Variants in SNX30 observed in about 807,000 individuals in gnomAD.
SNX30 encodes the protein sorting nexin family member 30, also known as sorting nexin-30.
Under a neutral mutation model 46.4 loss-of-function variants are expected in SNX30, and 24 were observed. The ratio of observed to expected loss-of-function variants is 0.52; its 90% confidence interval spans 0.37 to 0.73. SNX30 has a LOEUF of 0.73. Ranked by LOEUF, SNX30 falls within the 30% of genes least tolerant of loss-of-function variation. The probability of loss-of-function intolerance (pLI) is 0.00; values close to 1 mark genes in which losing one functional copy is unlikely to be tolerated. For missense variants in SNX30, 533 were observed against 555.7 expected (o/e 0.96, Z 0.41); for synonymous variants, 189 against 211.5 (o/e 0.89, Z 0.92).
chr9:112,813,110 C>G (rs1840344558), intron 2 of SNX30, among the ~76,000 whole-genome samples: 1 of 152,096 alleles, frequency 6.6e-6, no homozygotes, highest in Admixed American at 6.5e-5. Flanking sequence ...GATCATGCCA[C>G]TATACTCCAG....
chr9:112,773,249 G>A (rs937590333), intron 1 of SNX30, among the ~76,000 whole-genome samples: 1 of 152,084 alleles, frequency 6.6e-6, no homozygotes, highest in African/African-American at 2.4e-5. Flanking sequence ...CCATAAAATG[G>A]GGTTAATAAT....
intron 4 of SNX30, among the ~76,000 whole-genome samples, chr9:112,833,268 G>A (rs1244329144): frequency 1.3e-5 from 2 of 151,074 alleles, no homozygotes; most frequent in Non-Finnish European, 1.5e-5. Flanking sequence ...GTTCTGAGAT[G>A]AGCCACTTAC....
chr9:112,864,264 G>A lies in SNX30; in HGVS notation c.1119G>A (p.Glu373=). 6.2e-7 allele frequency: 1 copy of A among 1,614,100 alleles called. No homozygotes were observed. The highest frequency in any genetic ancestry group is 1.1e-5 in the South Asian group (1 of 91,076). ...EDRPKVPADV[E]KCQDRMECFN... Reference sequence around the variant, plus strand: ...TTTTCCAGGTACCGGCGGACGTCGAGAAATGTCAGGATCGGATGGAGTGTT... The same window carrying A: ...TTTTCCAGGTACCGGCGGACGTCGAAAAATGTCAGGATCGGATGGAGTGTT... Residue 373 remains glutamate (E), a synonymous_variant, in exon 8 of 9, where the codon GAG becomes GAA. Transcript: ENST00000374232.
chr9:112,876,552 T>C (rs1841519686), downstream of SNX30, among the ~76,000 whole-genome samples: 1 of 152,128 alleles, frequency 6.6e-6, no homozygotes, highest in Non-Finnish European at 1.5e-5. Flanking sequence ...AGATGTTGAC[T>C]TGGCTGTTGG....
chr9:112,755,324 G>A (rs148576902), intron 1 of SNX30, among the ~76,000 whole-genome samples: 2 of 152,176 alleles, frequency 1.3e-5, no homozygotes, highest in South Asian at 2.1e-4. Context: ...AGCAGAGGCC[G>A]GAAGGCACAG....
At chr9:112,788,869 C>T (rs1397414037) in intron 1 of SNX30, among the ~76,000 whole-genome samples, 1 of 152,226 alleles carries the variant, frequency 6.6e-6, no homozygotes, top group African/African-American at 2.4e-5. Flanking sequence ...GATCTCGGCT[C>T]ACCACAGCCT....
At chr9:112,779,397 T>C (rs746862633) in intron 1 of SNX30, among the ~76,000 whole-genome samples, 8 of 152,104 alleles carry the variant, frequency 5.3e-5, no homozygotes, top group Non-Finnish European at 1.0e-4. Flanking sequence ...AGTGAACACA[T>C]AGAAGAGGGT....
chr9:112,852,511 G>A lies in SNX30; in HGVS notation c.1101+1566G>A, dbSNP rs557593181. Among the ~76,000 whole-genome samples, 7 of 152,192 alleles carry A rather than the reference G, an allele frequency of 4.6e-5. No individual in the cohort carries two copies. The South Asian group carries it at 1.2e-3, about 27-fold the overall frequency. ...TCCCCACCCCACCCCACCAGATAGC[G>A]AGGCGACAACTGTGTGTATGTATAT... On this transcript the variant is annotated intron_variant, in intron 7 of 8. Transcript: ENST00000374232.
downstream of SNX30, chr9:112,878,419 C>T (rs1428170922): frequency 6.6e-6 from 1 of 152,264 alleles, no homozygotes; most frequent in African/African-American, 2.4e-5. Context: ...TTAGTAACTG[C>T]TACTTACCCT....
intron 7 of SNX30, among the ~76,000 whole-genome samples, chr9:112,854,001 C>G (rs1305274548): frequency 6.6e-6 from 1 of 152,216 alleles, no homozygotes; most frequent in Non-Finnish European, 1.5e-5. Context: ...ACCGAGGATC[C>G]TGCATTTTAA....
chr9:112,783,476 C>T (rs1392998894), intron 1 of SNX30, among the ~76,000 whole-genome samples: 1 of 152,176 alleles, frequency 6.6e-6, no homozygotes, highest in Non-Finnish European at 1.5e-5. Context: ...CTTCCCTTCC[C>T]TTGATTTAGA....
At position 112,778,092 on chromosome 9, in the gene SNX30, T is replaced by A. The variant is rs1024117508; in HGVS notation, c.157-26684T>A. ...TAAGGTGACTCACTTGTGGCCACAG[T>A]TGACTGGAGTGCCTATGTGTGACAT... On this transcript the variant is annotated intron_variant, in intron 1 of 8. Coordinates refer to ENST00000374232, the MANE Select transcript of SNX30 (RefSeq NM_001012994.2). 3.3e-5 allele frequency among the ~76,000 whole-genome samples: 5 copies of A among 152,028 alleles called. 1 individual carries two copies. Among genetic ancestry groups the A allele is most frequent in the Admixed American group, 1.3e-4 (2 of 15,260 alleles).
At chr9:112,833,279 G>A (rs1036616189) in intron 4 of SNX30, among the ~76,000 whole-genome samples, 2 of 151,370 alleles carry the variant, frequency 1.3e-5, no homozygotes, top group African/African-American at 2.4e-5. Context: ...AGCCACTTAC[G>A]TGTTCTGCCT....
rs905899297 is a variant in SNX30 at position 112,822,992 on chromosome 9, T to C, written c.459+5177T>C. On this transcript the variant is annotated intron_variant, in intron 3 of 8. Coordinates refer to ENST00000374232, the MANE Select transcript of SNX30 (RefSeq NM_001012994.2). ...TAACACTTATTACAGAATATTGTTA[T>C]AATTGTTCTGTTTTATTATTGTGAA... 9.4e-4 allele frequency among the ~76,000 whole-genome samples: 49 copies of C among 51,894 alleles called. 1 individual carries two copies. The highest frequency in any genetic ancestry group is 2.0e-4 in the Admixed American group (1 of 4,992). The allele number at this position is 51,894 out of a possible 152,430, so 34.0% of individuals were successfully genotyped here.
At chr9:112,778,898 G>T (rs981115367) in intron 1 of SNX30, among the ~76,000 whole-genome samples, 23 of 152,178 alleles carry the variant, frequency 1.5e-4, no homozygotes, top group African/African-American at 5.1e-4. Context: ...ACTTGGGGGG[G>T]GGGGATTTGC....
intron 7 of SNX30, among the ~76,000 whole-genome samples, chr9:112,853,994 G>A (rs568101534): frequency 1.3e-5 from 2 of 152,334 alleles, no homozygotes; most frequent in East Asian, 1.9e-4. Context: ...TTTGGAAACC[G>A]AGGATCCTGC....
At chr9:112,867,861 C>T (rs947357366) in intron 8 of SNX30, among the ~76,000 whole-genome samples, 1 of 152,174 alleles carries the variant, frequency 6.6e-6, no homozygotes, top group Non-Finnish European at 1.5e-5. Context: ...GTACAAAGTC[C>T]TCCTCCACCC....
chr9:112,849,167 C>A (rs1315871801), intron 6 of SNX30, among the ~76,000 whole-genome samples: 7 of 152,176 alleles, frequency 4.6e-5, no homozygotes, highest in African/African-American at 1.4e-4. Flanking sequence ...CCTTGGGGAA[C>A]CACATTTGCA....
intron 1 of SNX30, among the ~76,000 whole-genome samples, chr9:112,761,152 T>C (rs75927354): frequency 0.018 from 2,591 of 144,044 alleles, 58 homozygotes; most frequent in East Asian, 0.12. Context: ...CTAGAGGGCG[T>C]GGTTTTGTTT....
Sources: allele counts gnomAD v4.1 joint callset (sites outside exome capture counted in the v4.1 genomes callset), GRCh38; gene constraint gnomAD v4.1.1; transcripts MANE v1.5; gene names NCBI Gene and HGNC (gene_info 2026-07-23, HGNC 2026-07-21).